HIVEP3: variants seen among roughly 807,000 people sequenced by gnomAD.
The protein encoded by HIVEP3 is transcription factor HIVEP3.
HIVEP3 carries 49 observed loss-of-function variants against 152.8 expected under a neutral mutation model. The ratio of observed to expected loss-of-function variants is 0.32; its 90% CI spans 0.26 to 0.41. The LOEUF is 0.41. Ranked by LOEUF, HIVEP3 falls within the 10% of genes least tolerant of loss-of-function variation. The pLI is 1.00. For missense variants in HIVEP3, 2,790 were observed against 3,103.3 expected (o/e 0.90, Z 2.40); for synonymous variants, 1,269 against 1,289.0 (o/e 0.98, Z 0.33).
chr1:41,707,905 G>A (rs897911438), intron 1 of HIVEP3, among the ~76,000 whole-genome samples: 17 of 152,250 alleles, frequency 1.1e-4, no homozygotes, highest in African/African-American at 2.7e-4. Flanking sequence ...TGGCCAAGCC[G>A]AACCCTGGCC....
chr1:41,534,956 T>C (rs1643361907), intron 5 of HIVEP3, among the ~76,000 whole-genome samples: 1 of 152,196 alleles, frequency 6.6e-6, no homozygotes, highest in African/African-American at 2.4e-5. Context: ...GGCAAGTCAC[T>C]TTCTTTCCTT....
chr1:41,823,642 A>C (rs1276131147), intron 1 of HIVEP3, among the ~76,000 whole-genome samples: 1 of 152,194 alleles, frequency 6.6e-6, no homozygotes, highest in Non-Finnish European at 1.5e-5. Context: ...AAGCGATCCC[A>C]GAGTGGTGAC....
intron 1 of HIVEP3, among the ~76,000 whole-genome samples, chr1:42,011,454 T>C (rs1349182702): frequency 6.6e-6 from 1 of 152,234 alleles, no homozygotes; most frequent in Non-Finnish European, 1.5e-5. Flanking sequence ...TAAATCTAGG[T>C]TATTTCCAGG....
At chr1:41,959,940 G>A (rs1315417624) in intron 1 of HIVEP3, among the ~76,000 whole-genome samples, 1 of 152,150 alleles carries the variant, frequency 6.6e-6, no homozygotes, top group Non-Finnish European at 1.5e-5. Flanking sequence ...TCAATATGAG[G>A]AAGTAGAGAG....
At position 41,571,680 on chromosome 1, in the gene HIVEP3, G is replaced by C. The variant is rs78105866; in HGVS notation, c.5207+3864C>G. Among the ~76,000 whole-genome samples, 7 of 152,276 alleles carry C rather than the reference G, an allele frequency of 4.6e-5. No homozygotes were observed. In the East Asian group the frequency reaches 9.6e-4, roughly 21 times the overall value. ...TACAGAGTGTGGAGGGATTTGGGAG[G>C]CTCGTTAGAGGAGCAGGGCTGAGTA... On this transcript the variant is annotated intron_variant, in intron 5 of 8. Coordinates refer to ENST00000372583, the MANE Select transcript of HIVEP3 (RefSeq NM_024503.5).
At chr1:42,027,999 C>T (rs184266699) in intron 1 of HIVEP3, among the ~76,000 whole-genome samples, 9 of 152,278 alleles carry the variant, frequency 5.9e-5, no homozygotes, top group African/African-American at 2.2e-4. Context: ...GAATGCTCCA[C>T]CTCTAGATTT....
At chr1:41,997,442 C>T (rs374512317) in intron 1 of HIVEP3, among the ~76,000 whole-genome samples, 3 of 152,208 alleles carry the variant, frequency 2.0e-5, no homozygotes, top group African/African-American at 4.8e-5. Context: ...GCAAAAGATA[C>T]GCCATGCAGT....
intron 2 of HIVEP3, among the ~76,000 whole-genome samples, chr1:41,673,171 A>C (rs1645903576): frequency 6.6e-6 from 1 of 152,140 alleles, no homozygotes; most frequent in South Asian, 2.1e-4. Flanking sequence ...CCAGCCTGAG[A>C]AAGAGACTTC....
At chr1:41,790,662 GA>G (rs1374054616) in intron 1 of HIVEP3, among the ~76,000 whole-genome samples, 2 of 152,144 alleles carry the variant, frequency 1.3e-5, no homozygotes, top group Admixed American at 6.5e-5. Context: ...AGATATGGGA[GA>G]ATCCTTACGT....
chr1:41,812,911 C>T (rs1443079414), intron 1 of HIVEP3, among the ~76,000 whole-genome samples: 1 of 128,478 alleles, frequency 7.8e-6, no homozygotes. Context: ...TTGCAGCACT[C>T]AGAGCCAAGC....
chr1:41,645,078 A>G (rs933437566), intron 2 of HIVEP3, among the ~76,000 whole-genome samples: 4 of 152,148 alleles, frequency 2.6e-5, no homozygotes, highest in Non-Finnish European at 5.9e-5. Context: ...AGAACAGGCA[A>G]TACTGAGAAC....
At chr1:41,736,384 G>A (rs769308267) in intron 1 of HIVEP3, among the ~76,000 whole-genome samples, 1 of 152,226 alleles carries the variant, frequency 6.6e-6, no homozygotes, top group Admixed American at 6.5e-5. Context: ...CCCCGTGGAA[G>A]GGGTTGAGGG....
At chr1:41,947,508 T>C (rs954683963) in intron 1 of HIVEP3, among the ~76,000 whole-genome samples, 1 of 152,204 alleles carries the variant, frequency 6.6e-6, no homozygotes, top group African/African-American at 2.4e-5. Context: ...GATTCCCAGG[T>C]ATGGCAAAAT....
At chr1:41,572,351 G>C (rs1460869902) in intron 5 of HIVEP3, among the ~76,000 whole-genome samples, 2 of 152,274 alleles carry the variant, frequency 1.3e-5, no homozygotes, top group Admixed American at 1.3e-4. Context: ...TCAGGTATGG[G>C]AGCTGCCATC....
At chr1:41,857,579 TCTC>T (rs1643803128) in intron 1 of HIVEP3, among the ~76,000 whole-genome samples, 1 of 152,194 alleles carries the variant, frequency 6.6e-6, no homozygotes, top group African/African-American at 2.4e-5. Flanking sequence ...CATGGGGTTT[TCTC>T]CTTAAACAGA....
At chr1:41,907,341 A>G (rs1644730118) in intron 1 of HIVEP3, among the ~76,000 whole-genome samples, 1 of 152,178 alleles carries the variant, frequency 6.6e-6, no homozygotes, top group South Asian at 2.1e-4. Context: ...GAGGAAGCCA[A>G]TGCCCTACTA....
chr1:41,739,196 G>A (rs1008250250), intron 1 of HIVEP3, among the ~76,000 whole-genome samples: 3 of 152,206 alleles, frequency 2.0e-5, no homozygotes, highest in Non-Finnish European at 2.9e-5. Context: ...GGGGGTTTCC[G>A]GGCAGCCTGG....
At position 41,704,814 on chromosome 1, in the gene HIVEP3, AT is replaced by A. The variant is rs1490328910; in HGVS notation, c.-800-3820del. ...AGCTGAACCATAGAGAGGGAAAGGC[AT>A]TGTCAAGATCATAGAACTAATAAAT... On this transcript the variant is annotated intron_variant, in intron 1 of 8. Transcript: ENST00000372583. Among the ~76,000 whole-genome samples, 25 of 152,348 alleles carry A rather than the reference AT, an allele frequency of 1.6e-4. No homozygotes were observed. In the South Asian group the frequency reaches 5.0e-3, roughly 30 times the overall value.
intron 1 of HIVEP3, among the ~76,000 whole-genome samples, chr1:41,726,463 G>A (rs1238190964): frequency 6.6e-6 from 1 of 152,208 alleles, no homozygotes; most frequent in Non-Finnish European, 1.5e-5. Flanking sequence ...ATGGCAGTGG[G>A]TGACGTTTAC....
Sources: allele counts gnomAD v4.1 joint callset (sites outside exome capture counted in the v4.1 genomes callset), GRCh38; gene constraint gnomAD v4.1.1; transcripts MANE v1.5; gene names NCBI Gene and HGNC (gene_info 2026-07-23, HGNC 2026-07-21).